Variants in KCTD21 observed in about 807,000 individuals in gnomAD.
The protein encoded by KCTD21 is BTB/POZ domain-containing protein KCTD21.
In KCTD21, 9 loss-of-function variants were observed where a neutral mutation model predicts 13.2. The ratio of observed to expected loss-of-function variants is 0.68; its 90% CI spans 0.41 to 1.19. The LOEUF is 1.19. KCTD21 is among the 50% of genes most tolerant of loss of function. KCTD21 has a pLI of 0.01. For missense variants in KCTD21, 303 were observed against 336.5 expected (o/e 0.90, Z 0.78); for synonymous variants, 142 against 137.4 (o/e 1.03, Z -0.23).
intron 1 of KCTD21, among the ~76,000 whole-genome samples, chr11:78,181,316 G>A (rs1673709124): frequency 6.6e-6 from 1 of 152,160 alleles, no homozygotes; most frequent in Admixed American, 6.5e-5. Flanking sequence ...AATAGAATAT[G>A]ACTCAGCAAT....
At chr11:78,175,539 T>C (rs1477632198) in intron 1 of KCTD21, among the ~76,000 whole-genome samples, 3 of 151,994 alleles carry the variant, frequency 2.0e-5, no homozygotes, top group Non-Finnish European at 4.4e-5. Context: ...ACTCAACAAA[T>C]GGTTTGAGAT....
chr11:78,174,031 G>A lies in KCTD21; in HGVS notation c.524C>T (p.Thr175Ile), dbSNP rs1565381199. The A allele has an allele frequency of 1.2e-6, 2 of 1,614,148 alleles. No individual in the cohort carries two copies. The highest frequency in any genetic ancestry group is 1.7e-5 in the Admixed American group (1 of 60,016). The change falls in exon 2 of 2, where the codon ACC (threonine) becomes ATC (isoleucine). Residue 175 changes from threonine to isoleucine, a missense_variant. Transcript: ENST00000340067. ...YCSNGNLSSI[T>I]SHLQDPNHLT... ...GTGGTTGGGGTCCTGCAAGTGGCTG[G>A]TGATGGAGGAGAGATTGCCATTGGA...
intron 1 of KCTD21, chr11:78,188,207 G>C: frequency 1.0e-6 from 1 of 983,750 alleles, no homozygotes; most frequent in Non-Finnish European, 1.2e-6. Flanking sequence ...CCACTCCCCA[G>C]CCCTACAGCC....
chr11:78,178,015 G>C (rs1455674941), intron 1 of KCTD21: 2 of 152,330 alleles, frequency 1.3e-5, no homozygotes, highest in African/African-American at 4.8e-5. Context: ...TGCACAGGCA[G>C]TCAGGGCAGA....
intron 1 of KCTD21, chr11:78,188,056 A>G (rs1352632963): frequency 2.0e-6 from 2 of 985,266 alleles, no homozygotes; most frequent in African/African-American, 3.5e-5. Context: ...GAGGTGTTCT[A>G]TGCATCACAG....
intron 1 of KCTD21, chr11:78,187,960 A>G: frequency 2.0e-6 from 2 of 985,298 alleles, no homozygotes; most frequent in Non-Finnish European, 2.4e-6. Context: ...TGACGCCTCT[A>G]CTTTTCAGGG....
Position 78,171,897 on chromosome 11 carries a change from T to C in KCTD21, c.*1875A>G, listed in dbSNP as rs1862291222. ...TTGGGATTACAGGCATGAGCCACTGTGCCTGGCAGAAAAGCTGTCAGAGAG... is the reference window on the plus strand; with the variant it reads ...TTGGGATTACAGGCATGAGCCACTGCGCCTGGCAGAAAAGCTGTCAGAGAG... On this transcript the variant is annotated 3_prime_UTR_variant, in exon 2 of 2. Coordinates refer to ENST00000340067, the MANE Select transcript of KCTD21 (RefSeq NM_001029859.3). 6.6e-6 allele frequency: 1 copy of C among 152,338 alleles called. No individual in the cohort carries two copies. The highest frequency in any genetic ancestry group is 2.1e-4 in the South Asian group (1 of 4,836). The allele number at this position is 152,338 out of a possible 1,614,324, so 9.4% of individuals were successfully genotyped here.
chr11:78,184,412 C>T (rs1233988792), intron 1 of KCTD21, among the ~76,000 whole-genome samples: 1 of 152,106 alleles, frequency 6.6e-6, no homozygotes, highest in Admixed American at 6.5e-5. Flanking sequence ...TCTCGGCTCA[C>T]TGCAACCTCC....
At chr11:78,183,719 C>A (rs1212502105) in intron 1 of KCTD21, among the ~76,000 whole-genome samples, 1 of 150,540 alleles carries the variant, frequency 6.6e-6, no homozygotes, top group Non-Finnish European at 1.5e-5. Flanking sequence ...ACTGCAACCT[C>A]CGCCTCCCAG....
In KCTD21 at chr11:78,173,117, C is replaced by G. The variant is rs1415116685; in HGVS notation, c.*655G>C. The G allele has an allele frequency of 1.3e-5, 2 of 152,296 alleles. No homozygotes were observed. Among genetic ancestry groups the G allele is most frequent in the African/African-American group, 2.4e-5 (1 of 41,456 alleles). 9.4% of individuals were successfully genotyped at this position (152,296 alleles called of 1,614,324 possible). A position where few individuals can be genotyped will look rare whatever the true frequency, so the allele number is the denominator to read the frequency against. ...TTCTAAAGCCAGGAATCCCTTGATT[C>G]AGCCCTATCAAGAGGGACATTCCTA... is the stretch of plus-strand genomic sequence containing the variant. On this transcript the variant is annotated 3_prime_UTR_variant, in exon 2 of 2. Transcript: ENST00000340067.
intron 1 of KCTD21, among the ~76,000 whole-genome samples, chr11:78,183,520 A>T (rs1483550973): frequency 2.0e-5 from 3 of 151,940 alleles, no homozygotes; most frequent in African/African-American, 7.3e-5. Flanking sequence ...AGGGCAACAG[A>T]GTGAGACTCC....
chr11:78,179,541 C>G (rs1312867924), intron 1 of KCTD21, among the ~76,000 whole-genome samples: 1 of 152,098 alleles, frequency 6.6e-6, no homozygotes, highest in African/African-American at 2.4e-5. Flanking sequence ...ATAGCTACTC[C>G]CAGAGCTCAG....
chr11:78,180,960 TC>T (rs1353427224), intron 1 of KCTD21, among the ~76,000 whole-genome samples: 2 of 152,200 alleles, frequency 1.3e-5, no homozygotes, highest in Admixed American at 6.5e-5. Flanking sequence ...TTGGCACTTC[TC>T]CTTGCTGCTG....
intron 1 of KCTD21, among the ~76,000 whole-genome samples, chr11:78,183,904 G>A (rs1414771732): frequency 6.6e-6 from 1 of 152,000 alleles, no homozygotes; most frequent in Non-Finnish European, 1.5e-5. Context: ...CAAAGTGCTG[G>A]GATTACAGGC....
chr11:78,183,496 A>T (rs1230136290), intron 1 of KCTD21, among the ~76,000 whole-genome samples: 2 of 151,564 alleles, frequency 1.3e-5, no homozygotes, highest in Non-Finnish European at 2.9e-5. Flanking sequence ...AGATCGTGCC[A>T]CTGCACACCA....
intron 1 of KCTD21, chr11:78,187,486 G>A: frequency 2.0e-6 from 2 of 985,392 alleles, no homozygotes; most frequent in Non-Finnish European, 2.4e-6. Context: ...ATCTGGCACG[G>A]CAAGGTATTC....
In KCTD21 at chr11:78,174,220, A is replaced by G; in HGVS notation, c.335T>C (p.Leu112Pro). Reference protein sequence around the residue: ...ELSKAEKNAMLNITLNQRVQT... With the variant: ...ELSKAEKNAMPNITLNQRVQT... ...CACACGCTGGTTCAGTGTGATGTTG[A>G]GCATGGCATTCTTCTCGGCCTTGGA... The change falls in exon 2 of 2, where the codon CTC becomes CCC. Residue 112 changes from leucine (L) to proline (P), a missense_variant. Physicochemically the swap from Leu to Pro is moderately conservative, Grantham distance 98. Coordinates refer to ENST00000340067, the MANE Select transcript of KCTD21 (RefSeq NM_001029859.3). 1 of 1,614,058 alleles carries G rather than the reference A, an allele frequency of 6.2e-7. No homozygotes were observed. Among genetic ancestry groups the G allele is most frequent in the Non-Finnish European group, 8.5e-7 (1 of 1,180,016 alleles).
At chr11:78,181,392 A>C (rs1242174263) in intron 1 of KCTD21, among the ~76,000 whole-genome samples, 1 of 152,256 alleles carries the variant, frequency 6.6e-6, no homozygotes, top group Non-Finnish European at 1.5e-5. Context: ...CAAGTGAAAG[A>C]AGCCAGCCTC....
At position 78,172,727 on chromosome 11, in the gene KCTD21, A is replaced by T. The variant is rs1862311500; in HGVS notation, c.*1045T>A. 6.6e-6 allele frequency: 1 copy of T among 152,286 alleles called. No homozygotes were observed. Among genetic ancestry groups the T allele is most frequent in the Non-Finnish European group, 1.5e-5 (1 of 68,048 alleles). 9.4% of individuals were successfully genotyped at this position (152,286 alleles called of 1,614,324 possible). A position where few individuals can be genotyped will look rare whatever the true frequency, so the allele number is the denominator to read the frequency against. ...AAGTGGCAGGACAGATTTTGGCTCA[A>T]TATAGGGAAGAACTGTCTAACAGTC... On this transcript the variant is annotated 3_prime_UTR_variant, in exon 2 of 2. Transcript: ENST00000340067.
Sources: allele counts gnomAD v4.1 joint callset (sites outside exome capture counted in the v4.1 genomes callset), GRCh38; gene constraint gnomAD v4.1.1; transcripts MANE v1.5; gene names NCBI Gene and HGNC (gene_info 2026-07-23, HGNC 2026-07-21).